The following MYO1B variants were observed in gnomAD, a reference collection of about 807,000 sequenced individuals.
The protein encoded by MYO1B is myosin IB.
In MYO1B, 72 loss-of-function variants were observed where a neutral mutation model predicts 159.7. The observed-to-expected ratio is 0.45, with a 90% confidence interval of 0.37 to 0.55. The LOEUF (loss-of-function observed/expected upper bound fraction) is 0.55, where lower values mean the gene tolerates loss of function less well. Ranked by LOEUF, MYO1B falls within the 20% of genes least tolerant of loss-of-function variation. The pLI is 0.00. For synonymous variants in MYO1B, 468 were observed against 473.8 expected (o/e 0.99, Z 0.16); for missense variants, 1,062 against 1,364.8 (o/e 0.78, Z 3.50).
chr2:191,330,714 G>T (rs138259160), intron 4 of MYO1B, among the ~76,000 whole-genome samples: 23 of 152,266 alleles, frequency 1.5e-4, no homozygotes, highest in Admixed American at 5.2e-4. Flanking sequence ...GTTATCAGTG[G>T]GTTTTTTTTG....
chr2:191,391,941 A>C (rs1695779444), intron 18 of MYO1B, among the ~76,000 whole-genome samples, 167 bp from the exon 19 acceptor site: 1 of 152,240 alleles, frequency 6.6e-6, no homozygotes, highest in African/African-American at 2.4e-5. Context: ...TTACTGGATT[A>C]AGTTTAATTT....
chr2:191,264,639 A>G (rs1363363638), intron 1 of MYO1B, among the ~76,000 whole-genome samples: 2 of 152,094 alleles, frequency 1.3e-5, no homozygotes, highest in African/African-American at 4.8e-5. Context: ...TGTGCTGTGT[A>G]TGGTTGCACT....
chr2:191,252,148 G>C (rs565599089), intron 1 of MYO1B, among the ~76,000 whole-genome samples: 1 of 152,218 alleles, frequency 6.6e-6, no homozygotes, highest in African/African-American at 2.4e-5. Context: ...TGCATGGCTT[G>C]TTATTTTTGT....
At chr2:191,354,028 C>T (rs1269294485) in intron 7 of MYO1B, among the ~76,000 whole-genome samples, 1 of 152,092 alleles carries the variant, frequency 6.6e-6, no homozygotes, top group Non-Finnish European at 1.5e-5. Flanking sequence ...GAGGCCGAGG[C>T]AGGCGGATCA....
intron 14 of MYO1B, among the ~76,000 whole-genome samples, chr2:191,382,049 A>G (rs560159888): frequency 6.1e-4 from 93 of 152,302 alleles, no homozygotes; most frequent in Admixed American, 1.9e-3. Context: ...TAATCTTAAA[A>G]TAACCAGAAG....
chr2:191,293,658 G>C (rs1043990051), intron 2 of MYO1B, among the ~76,000 whole-genome samples: 11 of 152,254 alleles, frequency 7.2e-5, no homozygotes, highest in African/African-American at 2.4e-4. Flanking sequence ...AGGATTACCA[G>C]AAGTGTTCTC....
At chr2:191,383,151 C>T in intron 14 of MYO1B, 129 bp from the exon 15 acceptor site, 1 of 533,350 alleles carries the variant, frequency 1.9e-6, no homozygotes, top group Non-Finnish European at 3.3e-6. Context: ...ATTTGCAGTA[C>T]CCATTCTATA....
intron 3 of MYO1B, among the ~76,000 whole-genome samples, chr2:191,300,655 T>TTTTTTTTTTTTTTTTA (rs61260117): frequency 1.4e-5 from 2 of 145,136 alleles, no homozygotes; most frequent in African/African-American, 2.6e-5. Flanking sequence ...TTTTTTTTTT[T>TTTTTTTTTTTTTTTTA]AAGAGATGAG....
intron 1 of MYO1B, among the ~76,000 whole-genome samples, chr2:191,267,109 C>T (rs1307489999): frequency 6.6e-6 from 1 of 152,128 alleles, no homozygotes; most frequent in Non-Finnish European, 1.5e-5. Flanking sequence ...TATGCAGAGA[C>T]AAAACCTAGG....
intron 3 of MYO1B, among the ~76,000 whole-genome samples, chr2:191,303,448 T>C (rs1689457467): frequency 6.6e-6 from 1 of 152,230 alleles, no homozygotes; most frequent in Non-Finnish European, 1.5e-5. Flanking sequence ...GAAAAGGGTT[T>C]TATGCTTTCC....
intron 30 of MYO1B, among the ~76,000 whole-genome samples, chr2:191,421,227 G>A (rs947963133): frequency 2.0e-5 from 3 of 150,720 alleles, no homozygotes; most frequent in Non-Finnish European, 4.4e-5. Context: ...GCACCACCAC[G>A]CCCTGCTAAT....
At chr2:191,378,226 C>T (rs1479820615) in intron 13 of MYO1B, among the ~76,000 whole-genome samples, 1 of 152,172 alleles carries the variant, frequency 6.6e-6, no homozygotes, top group Non-Finnish European at 1.5e-5. Context: ...TGCCAACCAC[C>T]ACTGCCCTGA....
intron 3 of MYO1B, among the ~76,000 whole-genome samples, chr2:191,326,801 T>C (rs1691115094): frequency 6.9e-6 from 1 of 145,372 alleles, no homozygotes; most frequent in African/African-American, 2.8e-5. Flanking sequence ...TGTGTGTGTG[T>C]GTGTGTGTGT....
At chr2:191,400,084 A>C (rs966678431) in intron 21 of MYO1B, among the ~76,000 whole-genome samples, 1 of 152,154 alleles carries the variant, frequency 6.6e-6, no homozygotes, top group African/African-American at 2.4e-5. Context: ...CTTTCTGAGA[A>C]CTGTTTCATC....
chr2:191,325,810 A>G (rs534191641), intron 3 of MYO1B, among the ~76,000 whole-genome samples: 1 of 152,240 alleles, frequency 6.6e-6, no homozygotes, highest in Middle Eastern at 3.4e-3. Flanking sequence ...GACAATTGTG[A>G]ACATGCAACC....
At chr2:191,342,096 T>A (rs1441547202) in intron 5 of MYO1B, among the ~76,000 whole-genome samples, 1 of 152,204 alleles carries the variant, frequency 6.6e-6, no homozygotes, top group Non-Finnish European at 1.5e-5. Context: ...GAAACTTATT[T>A]TCTCAAACCT....
At chr2:191,317,897 T>C (rs970701080) in intron 3 of MYO1B, among the ~76,000 whole-genome samples, 9 of 152,242 alleles carry the variant, frequency 5.9e-5, no homozygotes, top group African/African-American at 1.9e-4. Context: ...ATTTCCTCTT[T>C]GTTATTTGTA....
chr2:191,256,954 T>C (rs1686490305), intron 1 of MYO1B, among the ~76,000 whole-genome samples: 1 of 152,186 alleles, frequency 6.6e-6, no homozygotes, highest in African/African-American at 2.4e-5. Context: ...GAATTTTTTT[T>C]TTAATCTGTC....
At chr2:191,313,040 C>T (rs929842114) in intron 3 of MYO1B, among the ~76,000 whole-genome samples, 1 of 151,992 alleles carries the variant, frequency 6.6e-6, no homozygotes, top group East Asian at 1.9e-4. Context: ...GGCAGGCCTT[C>T]CTAGCTCAAG....
Sources: gnomAD v4.1 joint callset for allele counts (sites outside exome capture counted in the v4.1 genomes callset) on GRCh38, gnomAD v4.1.1 for gene constraint, MANE v1.5 for transcripts, NCBI Gene and HGNC (gene_info 2026-07-23, HGNC 2026-07-21) for gene names.